Variants in PABPC1L observed in about 807,000 individuals in gnomAD.
PABPC1L encodes the protein poly(A) binding protein cytoplasmic 1 like, also known as polyadenylate-binding protein 1-like.
In PABPC1L, 31 loss-of-function variants were observed where a neutral mutation model predicts 66.6. The observed-to-expected ratio is 0.47, with a 90% CI of 0.35 to 0.63. The LOEUF (loss-of-function observed/expected upper bound fraction) is 0.63. Ranked by LOEUF, PABPC1L falls within the 20% of genes least tolerant of loss-of-function variation. PABPC1L has a pLI of 0.00. For missense variants in PABPC1L, 722 were observed against 848.8 expected (o/e 0.85, Z 1.86); for synonymous variants, 348 against 335.1 (o/e 1.04, Z -0.42).
intron 7 of PABPC1L, among the ~76,000 whole-genome samples, chr20:44,927,358 T>A (rs1396187930): frequency 0.012 from 1,814 of 152,024 alleles, 33 homozygotes; most frequent in African/African-American, 0.039. Context: ...TATATTTTTT[T>A]TTTTTTGAGA....
At chr20:44,926,124 C>T (rs759111719) in intron 7 of PABPC1L, among the ~76,000 whole-genome samples, 19 of 152,276 alleles carry the variant, frequency 1.2e-4, no homozygotes, top group Admixed American at 7.8e-4. Context: ...GAGGACTCCC[C>T]GAACAAAGGA....
In PABPC1L at chr20:44,919,340, T is replaced by C. The variant is rs2066758172; in HGVS notation, c.738+63T>C. On this transcript the variant is annotated intron_variant, in intron 5 of 14. Coordinates refer to ENST00000217073, the MANE Select transcript of PABPC1L (RefSeq NM_001372179.1). ...GACCGAGCTGGGACTAAGAAGAGGG[T>C]CCCAGCTGCCTGTGGAGGGGAAGAA... 3 of 1,555,388 alleles carry C rather than the reference T, an allele frequency of 1.9e-6. No individual in the cohort carries two copies. In the African/African-American group the frequency reaches 4.1e-5, roughly 21 times the overall value.
chr20:44,913,907 A>C (rs999226159), intron 2 of PABPC1L, among the ~76,000 whole-genome samples: 1 of 152,216 alleles, frequency 6.6e-6, no homozygotes, highest in East Asian at 1.9e-4. Context: ...CTTAGTCATT[A>C]TTGTATCCCA....
Position 44,936,678 on chromosome 20 carries a change from G to T in PABPC1L, c.1608G>T (p.Leu536=). The part of the protein sequence containing the change: ...PAVHIPGQEP[L]TASMLAAAPL... ...TGCACATCCCAGGACAGGAGCCCCT[G>T]ACCGCGTCCATGCTGGCTGCGGCGC... is the stretch of plus-strand genomic sequence containing the variant. Residue 536 remains leucine, a synonymous_variant, in exon 12 of 15, where the codon CTG becomes CTT. Coordinates refer to ENST00000217073, the MANE Select transcript of PABPC1L (RefSeq NM_001372179.1). The T allele has an allele frequency of 6.2e-7, 1 of 1,607,944 alleles. No individual in the cohort carries two copies. The highest frequency in any genetic ancestry group is 1.1e-5 in the South Asian group (1 of 89,110).
chr20:44,917,973 T>A (rs1055484076), intron 3 of PABPC1L, among the ~76,000 whole-genome samples: 2 of 152,228 alleles, frequency 1.3e-5, no homozygotes, highest in Non-Finnish European at 2.9e-5. Flanking sequence ...TATTATTATT[T>A]TTTTAATCTG....
At position 44,910,236 on chromosome 20, in the gene PABPC1L, C is replaced by A. The variant is rs762293858; in HGVS notation, c.93C>A (p.Phe31Leu). The part of the protein sequence containing the change: ...DVTEAMLYEK[F>L]SPAGPILSIR... ...CCGAGGCCATGCTCTATGAGAAGTTCTCTCCCGCCGGCCCCATCCTGTCCA... is the reference window on the plus strand; with the variant it reads ...CCGAGGCCATGCTCTATGAGAAGTTATCTCCCGCCGGCCCCATCCTGTCCA... The change falls in exon 1 of 15, where the codon TTC (phenylalanine) becomes TTA (leucine). Residue 31 changes from phenylalanine (F) to leucine (L), a missense_variant. Phe to Leu is a conservative substitution (Grantham distance 22, BLOSUM62 0). Around this residue, in one of 3 missense-constraint regions of PABPC1L, gnomAD observed 284 missense variants for 294.8 expected, o/e 0.96. Coordinates refer to ENST00000217073, the MANE Select transcript of PABPC1L (RefSeq NM_001372179.1). The A allele has an allele frequency of 5.1e-6, 8 of 1,571,230 alleles. No homozygotes were observed. The highest frequency in any genetic ancestry group is 3.7e-5 in the Admixed American group (2 of 54,258).
Position 44,910,206 on chromosome 20 carries a change from C to A in PABPC1L, c.63C>A (p.Asp21Glu). The change falls in exon 1 of 15, where the codon GAC becomes GAA. Residue 21 changes from aspartate to glutamate, a missense_variant. Asp to Glu is a conservative substitution (Grantham distance 45, BLOSUM62 2). Transcript: ENST00000217073. ...ASLYVGDLHPDVTEAMLYEKF... is the reference protein window; with the variant it reads ...ASLYVGDLHPEVTEAMLYEKF... Reference sequence around the variant, plus strand: ...TTTACGTGGGCGATCTGCACCCCGACGTGACCGAGGCCATGCTCTATGAGA... The same window carrying A: ...TTTACGTGGGCGATCTGCACCCCGAAGTGACCGAGGCCATGCTCTATGAGA... 1 of 1,580,492 alleles carries A rather than the reference C, an allele frequency of 6.3e-7. No homozygotes were observed. Among genetic ancestry groups the A allele is most frequent in the Non-Finnish European group, 8.6e-7 (1 of 1,163,574 alleles).
In PABPC1L at chr20:44,933,161, A is replaced by G. The variant is rs774949002; in HGVS notation, c.1435A>G (p.Thr479Ala). 4 of 1,608,410 alleles carry G rather than the reference A, an allele frequency of 2.5e-6. No individual in the cohort carries two copies. In the African/African-American group the frequency reaches 4.0e-5, roughly 16 times the overall value. The change falls in exon 10 of 15, where the codon ACG (threonine) becomes GCG (alanine). Residue 479 changes from threonine to alanine, a missense_variant. Around this residue, in one of 3 missense-constraint regions of PABPC1L, gnomAD observed 301 missense variants for 337.2 expected, o/e 0.89. Coordinates refer to ENST00000217073, the MANE Select transcript of PABPC1L (RefSeq NM_001372179.1). ...GCAGGCCTCCACCCAGGTGCCACGC[A>G]CGGTGCCTCATACCCAGAGAGTAGG... Reference protein sequence around the residue: ...VRQASTQVPRTVPHTQRVANI... With the variant: ...VRQASTQVPRAVPHTQRVANI...
intron 8 of PABPC1L, among the ~76,000 whole-genome samples, chr20:44,930,997 TTTCC>T (rs144338158): frequency 1.1e-5 from 1 of 93,882 alleles, no homozygotes; most frequent in Admixed American, 1.3e-4. Flanking sequence ...GACCTACATT[TTTCC>T]TTCCTCCCTT....
chr20:44,928,121 C>T (rs1258110335), intron 7 of PABPC1L, among the ~76,000 whole-genome samples: 4 of 152,044 alleles, frequency 2.6e-5, no homozygotes, highest in Admixed American at 6.6e-5. Context: ...CAGACTGGAG[C>T]GCAGTGGCAT....
At chr20:44,930,863 C>T (rs775487313) in intron 8 of PABPC1L, 137 bp downstream of exon 8, 36 of 1,219,982 alleles carry the variant, frequency 3.0e-5, no homozygotes, top group Non-Finnish European at 3.8e-5. Context: ...CTTTGTTTCC[C>T]TCTCTATAAA....
intron 5 of PABPC1L, 46 bp downstream of exon 5, chr20:44,919,323 T>C: frequency 1.3e-6 from 2 of 1,596,708 alleles, no homozygotes. Context: ...GGGACCGAGC[T>C]GGGACTAAGA....
intron 6 of PABPC1L, among the ~76,000 whole-genome samples, chr20:44,923,103 CTG>C (rs1052735499): frequency 3.9e-5 from 6 of 152,212 alleles, no homozygotes; most frequent in African/African-American, 1.4e-4. Flanking sequence ...CATTCATACA[CTG>C]TTGTGTTTGG....
rs540821821 is a variant in PABPC1L at position 44,922,068 on chromosome 20, A to G, written c.876+337A>G. On this transcript the variant is annotated intron_variant, in intron 6 of 14. Coordinates refer to ENST00000217073, the MANE Select transcript of PABPC1L (RefSeq NM_001372179.1). Reference sequence around the variant, plus strand: ...CAACCAAAGTACCCCGCATATTGCCAGATGCCCCTAGAGGAAATCCTACTC... The same window carrying G: ...CAACCAAAGTACCCCGCATATTGCCGGATGCCCCTAGAGGAAATCCTACTC... Among the ~76,000 whole-genome samples, 12 of 152,290 alleles carry G rather than the reference A, an allele frequency of 7.9e-5. No individual in the cohort carries two copies. In the East Asian group the frequency reaches 2.3e-3, roughly 29 times the overall value.
chr20:44,912,816 A>G lies in PABPC1L; in HGVS notation c.350A>G (p.Asp117Gly). 6.2e-7 allele frequency: 1 copy of G among 1,614,112 alleles called. No individual in the cohort carries two copies. ...EDSIDNKALY[D>G]TFSTFGNILS... ...TCCATTGACAACAAGGCTTTATATGATACCTTCTCCACCTTTGGGAACATC... is the reference window on the plus strand; with the variant it reads ...TCCATTGACAACAAGGCTTTATATGGTACCTTCTCCACCTTTGGGAACATC... The change falls in exon 2 of 15, where the codon GAT (aspartate) becomes GGT (glycine). Residue 117 changes from aspartate to glycine, a missense_variant. This residue lies in a region of PABPC1L where 284 missense variants were observed against 294.8 expected (regional missense o/e 0.96). Coordinates refer to ENST00000217073, the MANE Select transcript of PABPC1L (RefSeq NM_001372179.1).
At chr20:44,935,972 G>A (rs1269081430) in intron 11 of PABPC1L, among the ~76,000 whole-genome samples, 1 of 151,938 alleles carries the variant, frequency 6.6e-6, no homozygotes, top group Non-Finnish European at 1.5e-5. Context: ...CAGCAAAAAT[G>A]TCTATTTTTT....
chr20:44,928,864 C>CAAAAAAAAAAAAA (rs10597679), intron 7 of PABPC1L, among the ~76,000 whole-genome samples: 415 of 54,002 alleles, frequency 7.7e-3, no homozygotes, highest in East Asian at 9.4e-3. Context: ...GATCCTGACT[C>CAAAAAAAAAAAAA]AAAAAAAAAA....
At chr20:44,922,698 A>G (rs940892622) in intron 6 of PABPC1L, among the ~76,000 whole-genome samples, 4 of 152,218 alleles carry the variant, frequency 2.6e-5, no homozygotes, top group African/African-American at 9.6e-5. Context: ...TAAAAGTTCT[A>G]GATCCTTCAT....
Position 44,924,077 on chromosome 20 carries a change from T to A in PABPC1L, c.877-84T>A, listed in dbSNP as rs2066792057. 13 of 1,125,190 alleles carry A rather than the reference T, an allele frequency of 1.2e-5. No homozygotes were observed. The South Asian group carries it at 1.4e-4, about 12-fold the overall frequency. 69.7% of individuals were successfully genotyped at this position (1,125,190 alleles called of 1,614,324 possible). On this transcript the variant is annotated intron_variant, in intron 6 of 14. Coordinates refer to ENST00000217073, the MANE Select transcript of PABPC1L (RefSeq NM_001372179.1). ...CTGGTGGGGCTCCCCATGCCCCTTG[T>A]ACCTGCGTCAGTTCCCTGATCTCCC...
Sources: gnomAD v4.1 joint callset for allele counts (sites outside exome capture counted in the v4.1 genomes callset) on GRCh38, gnomAD v4.1.1 for gene constraint, gnomAD v4.1.1 regional missense constraint, MANE v1.5 for transcripts, NCBI Gene and HGNC (gene_info 2026-07-23, HGNC 2026-07-21) for gene names.